The following CAMKMT variants were observed in gnomAD, a reference collection of about 807,000 sequenced individuals.
The protein encoded by CAMKMT is calmodulin-lysine N-methyltransferase.
In CAMKMT, 53 loss-of-function variants were observed where a neutral mutation model predicts 48.0. The ratio of observed to expected loss-of-function variants is 1.10; its 90% confidence interval spans 0.89 to 1.39. The LOEUF (loss-of-function observed/expected upper bound fraction) is 1.39. CAMKMT is among the 40% of genes most tolerant of loss of function. The probability of loss-of-function intolerance (pLI) is 0.00; values close to 1 mark genes in which losing one functional copy is unlikely to be tolerated. For synonymous variants in CAMKMT, 165 were observed against 152.3 expected, an observed-to-expected ratio of 1.08 and a Z score of -0.61; for missense variants, 428 against 402.7, an observed-to-expected ratio of 1.06 and a Z score of -0.54.
intron 3 of CAMKMT, among the ~76,000 whole-genome samples, chr2:44,640,266 G>A (rs1471505430): frequency 6.6e-6 from 1 of 152,098 alleles, no homozygotes; most frequent in Non-Finnish European, 1.5e-5. Flanking sequence ...AAAAAACACT[G>A]GTTTTAACAA....
intron 3 of CAMKMT, among the ~76,000 whole-genome samples, chr2:44,635,000 G>A (rs1579641): frequency 0.55 from 83,480 of 152,032 alleles, 24,786 homozygotes; most frequent in Admixed American, 0.66. Context: ...TTGAGCCTGG[G>A]AGTTTGAGGT....
intron 3 of CAMKMT, among the ~76,000 whole-genome samples, chr2:44,578,819 A>G (rs1010728248): frequency 3.9e-5 from 6 of 152,312 alleles, no homozygotes; most frequent in African/African-American, 1.4e-4. Flanking sequence ...GAAGTTGAAG[A>G]CCAAATAATT....
At chr2:44,520,994 A>G (rs1671078214) in intron 3 of CAMKMT, among the ~76,000 whole-genome samples, 1 of 152,128 alleles carries the variant, frequency 6.6e-6, no homozygotes, top group African/African-American at 2.4e-5. Context: ...TTTCTTTATA[A>G]ATTACCCAGT....
chr2:44,391,400 T>C (rs2104416955), intron 3 of CAMKMT, among the ~76,000 whole-genome samples: 1 of 152,290 alleles, frequency 6.6e-6, no homozygotes, highest in African/African-American at 2.4e-5. Flanking sequence ...AAACACCAAC[T>C]TGAACCCGAA....
intron 3 of CAMKMT, among the ~76,000 whole-genome samples, chr2:44,621,096 G>A (rs1467773063): frequency 1.3e-5 from 2 of 151,836 alleles, no homozygotes; most frequent in African/African-American, 4.8e-5. Context: ...GTGAAACCCC[G>A]TCTCTACTAA....
At chr2:44,654,160 A>T (rs541334589) in intron 3 of CAMKMT, among the ~76,000 whole-genome samples, 1 of 152,338 alleles carries the variant, frequency 6.6e-6, no homozygotes, top group South Asian at 2.1e-4. Context: ...AACATTTCAA[A>T]TAGGATTCCT....
chr2:44,460,298 AAG>A (rs1489481180), intron 3 of CAMKMT, among the ~76,000 whole-genome samples: 11 of 152,196 alleles, frequency 7.2e-5, no homozygotes, highest in Non-Finnish European at 1.2e-4. Context: ...TTCAAAATAA[AAG>A]AGTATATTTG....
At chr2:44,745,053 A>G (rs773161229) in intron 8 of CAMKMT, among the ~76,000 whole-genome samples, 1 of 152,180 alleles carries the variant, frequency 6.6e-6, no homozygotes, top group Non-Finnish European at 1.5e-5. Context: ...CTCACCAAAT[A>G]TGAGAAAGAA....
intron 3 of CAMKMT, among the ~76,000 whole-genome samples, chr2:44,604,567 T>TTG (rs1252633272): frequency 6.6e-6 from 1 of 151,764 alleles, no homozygotes; most frequent in Non-Finnish European, 1.5e-5. Context: ...GGTTTTTTTT[T>TTG]TTTTTTTAAC....
At chr2:44,685,334 C>G (rs1361077517) in intron 3 of CAMKMT, among the ~76,000 whole-genome samples, 1 of 152,082 alleles carries the variant, frequency 6.6e-6, no homozygotes, top group African/African-American at 2.4e-5. Flanking sequence ...AGAGGGAAAA[C>G]TGAGGGAATC....
intron 2 of CAMKMT, among the ~76,000 whole-genome samples, chr2:44,389,844 G>A (rs1039024939): frequency 6.6e-6 from 1 of 152,074 alleles, no homozygotes; most frequent in Non-Finnish European, 1.5e-5. Flanking sequence ...TGAATTTTTT[G>A]TGCTGTTATA....
intron 3 of CAMKMT, among the ~76,000 whole-genome samples, chr2:44,689,049 T>C (rs1573082272): frequency 6.6e-6 from 1 of 152,314 alleles, no homozygotes; most frequent in South Asian, 2.1e-4. Context: ...GAAAATGCTT[T>C]AGAAATCAAA....
chr2:44,753,634 G>A (rs1680248575), intron 8 of CAMKMT, among the ~76,000 whole-genome samples: 1 of 152,154 alleles, frequency 6.6e-6, no homozygotes, highest in Non-Finnish European at 1.5e-5. Context: ...CATGGTTTGG[G>A]TGTCATAGGG....
At chr2:44,643,869 T>C (rs563480953) in intron 3 of CAMKMT, among the ~76,000 whole-genome samples, 1 of 152,298 alleles carries the variant, frequency 6.6e-6, no homozygotes, top group South Asian at 2.1e-4. Context: ...TCGATATGAT[T>C]GATATTAATA....
At chr2:44,755,993 G>A (rs952356200) in intron 9 of CAMKMT, among the ~76,000 whole-genome samples, 1 of 152,224 alleles carries the variant, frequency 6.6e-6, no homozygotes, top group Admixed American at 6.5e-5. Flanking sequence ...AAGGCTGCCA[G>A]GTATTCTAGC....
At chr2:44,587,493 C>T (rs1009773727) in intron 3 of CAMKMT, among the ~76,000 whole-genome samples, 17 of 144,142 alleles carry the variant, frequency 1.2e-4, no homozygotes, top group African/African-American at 4.4e-4. Context: ...TCTCTCTCCA[C>T]GGTCTCCTTC....
intron 3 of CAMKMT, among the ~76,000 whole-genome samples, chr2:44,431,117 C>G (rs1684623652): frequency 6.6e-6 from 1 of 152,094 alleles, no homozygotes; most frequent in Non-Finnish European, 1.5e-5. Flanking sequence ...TAGGTCAGCA[C>G]AATTAACCTA....
chr2:44,388,471 A>T (rs1387974630), intron 2 of CAMKMT, among the ~76,000 whole-genome samples: 1 of 152,112 alleles, frequency 6.6e-6, no homozygotes, highest in Non-Finnish European at 1.5e-5. Flanking sequence ...CTCCCTGATT[A>T]GCTTAATAAC....
intron 3 of CAMKMT, among the ~76,000 whole-genome samples, chr2:44,402,625 C>G (rs1037241983): frequency 6.6e-6 from 1 of 151,394 alleles, no homozygotes; most frequent in Non-Finnish European, 1.5e-5. Flanking sequence ...TTTTGAATTA[C>G]TCTTTTAATG....
Sources: gnomAD v4.1 joint callset for allele counts (sites outside exome capture counted in the v4.1 genomes callset) on GRCh38, gnomAD v4.1.1 for gene constraint, MANE v1.5 for transcripts, NCBI Gene and HGNC (gene_info 2026-07-23, HGNC 2026-07-21) for gene names.